Variants in KLF12 observed in about 807,000 individuals in gnomAD.
KLF12 encodes the protein KLF transcription factor 12.
In KLF12, 9 loss-of-function variants were observed where a neutral mutation model predicts 37.8. The observed-to-expected ratio is 0.24, with a 90% confidence interval of 0.14 to 0.42. KLF12 has a LOEUF of 0.42. Among genes scored for constraint, KLF12 ranks in the 10% least tolerant of loss-of-function variants. KLF12 has a pLI of 1.00. For missense variants in KLF12, 411 were observed against 516.0 expected (o/e 0.80, Z 1.97); for synonymous variants, 208 against 202.1 (o/e 1.03, Z -0.25).
chr13:74,234,233 A>G, the KLF12 span, among the ~76,000 whole-genome samples: 6 of 152,158 alleles, frequency 3.9e-5, no homozygotes, highest in African/African-American at 1.2e-4. Context: ...AATATTACCT[A>G]TAGATAAAAA....
chr13:73,888,373 T>C (rs2139002876), intron 3 of KLF12, among the ~76,000 whole-genome samples: 1 of 152,208 alleles, frequency 6.6e-6, no homozygotes, highest in East Asian at 1.9e-4. Flanking sequence ...TCTAATATTT[T>C]TATTACAATA....
chr13:74,261,824 G>A, the KLF12 span, among the ~76,000 whole-genome samples: 2 of 152,130 alleles, frequency 1.3e-5, no homozygotes, highest in Admixed American at 6.5e-5. Context: ...AGACACAAAC[G>A]TGTGTGTGGT....
At chr13:74,222,879 A>T in the KLF12 span, among the ~76,000 whole-genome samples, 2 of 152,244 alleles carry the variant, frequency 1.3e-5, no homozygotes, top group Non-Finnish European at 2.9e-5. Flanking sequence ...AGTGCCTGGC[A>T]CCAAATACAA....
chr13:74,255,634 T>C, the KLF12 span, among the ~76,000 whole-genome samples: 1 of 152,200 alleles, frequency 6.6e-6, no homozygotes, highest in Non-Finnish European at 1.5e-5. Flanking sequence ...TATTGAGTGG[T>C]TTCTACTTAA....
intron 3 of KLF12, among the ~76,000 whole-genome samples, chr13:73,872,028 A>G (rs937035487): frequency 1.3e-5 from 2 of 152,198 alleles, no homozygotes; most frequent in Non-Finnish European, 2.9e-5. Context: ...CTTGAATCAA[A>G]GCGGGATTTC....
At chr13:73,702,027 C>A (rs867341189) in intron 7 of KLF12, among the ~76,000 whole-genome samples, 13 of 151,526 alleles carry the variant, frequency 8.6e-5, no homozygotes, top group Admixed American at 1.3e-4. Context: ...CACACACACA[C>A]AAAAAAAGGG....
the KLF12 span, chr13:74,259,521 A>T: frequency 1.3e-5 from 2 of 152,108 alleles, no homozygotes; most frequent in Non-Finnish European, 2.9e-5. Context: ...AGTACACAGA[A>T]TTTTTCACAG....
intron 5 of KLF12, among the ~76,000 whole-genome samples, chr13:73,789,386 T>G (rs2138254269): frequency 6.6e-6 from 1 of 152,304 alleles, no homozygotes; most frequent in Middle Eastern, 3.4e-3. Flanking sequence ...GGTGTCACAG[T>G]AGCGCTAGTC....
chr13:74,024,773 A>G (rs1206164704), intron 1 of KLF12, among the ~76,000 whole-genome samples: 2 of 152,118 alleles, frequency 1.3e-5, no homozygotes, highest in Non-Finnish European at 2.9e-5. Flanking sequence ...CTTGAGGGGG[A>G]AAAAGTCTCT....
At chr13:73,732,652 G>C (rs1357660873) in intron 6 of KLF12, among the ~76,000 whole-genome samples, 1 of 152,072 alleles carries the variant, frequency 6.6e-6, no homozygotes, top group Non-Finnish European at 1.5e-5. Context: ...TCCTCCAGCC[G>C]TTTCTCCTTT....
intron 3 of KLF12, among the ~76,000 whole-genome samples, chr13:73,882,222 A>G (rs1887014977): frequency 6.6e-6 from 1 of 152,130 alleles, no homozygotes; most frequent in South Asian, 2.1e-4. Context: ...GCATACAAAC[A>G]AATCCTGAAG....
At chr13:73,996,947 T>C (rs891061144) in intron 1 of KLF12, among the ~76,000 whole-genome samples, 1 of 151,238 alleles carries the variant, frequency 6.6e-6, no homozygotes, top group African/African-American at 2.5e-5. Flanking sequence ...TCAGATAATG[T>C]CAAGGTTCTT....
the KLF12 span, among the ~76,000 whole-genome samples, chr13:74,177,608 A>T: frequency 3.3e-5 from 5 of 152,232 alleles, no homozygotes; most frequent in African/African-American, 1.2e-4. Flanking sequence ...AAGAAATGAC[A>T]TGATCATATT....
the KLF12 span, among the ~76,000 whole-genome samples, chr13:74,165,139 A>G: frequency 6.6e-6 from 1 of 152,280 alleles, no homozygotes; most frequent in Non-Finnish European, 1.5e-5. Context: ...CATTGTATGC[A>G]TGTATCAAAA....
At chr13:73,856,415 G>A (rs759036210) in intron 3 of KLF12, among the ~76,000 whole-genome samples, 1 of 152,284 alleles carries the variant, frequency 6.6e-6, no homozygotes, top group Admixed American at 6.5e-5. Flanking sequence ...AGGAAGGTAC[G>A]CGTTTTAAGG....
chr13:73,945,708 T>A (rs1048839823), intron 2 of KLF12, among the ~76,000 whole-genome samples: 2 of 152,082 alleles, frequency 1.3e-5, no homozygotes, highest in African/African-American at 4.8e-5. Context: ...CACCACCTAG[T>A]CTATAAGGTG....
the KLF12 span, among the ~76,000 whole-genome samples, chr13:74,275,863 TTTC>T: frequency 1.7e-5 from 2 of 114,738 alleles, no homozygotes; most frequent in Non-Finnish European, 3.6e-5. Context: ...TCTTTCTTTC[TTTC>T]TATCTTTCTT....
At chr13:74,087,488 T>A (rs1258857944) in intron 1 of KLF12, among the ~76,000 whole-genome samples, 1 of 152,074 alleles carries the variant, frequency 6.6e-6, no homozygotes, top group Non-Finnish European at 1.5e-5. Context: ...AGCTGCACGA[T>A]ATGGAGGAGG....
chr13:74,131,639 C>T (rs1385767863), intron 1 of KLF12, among the ~76,000 whole-genome samples: 1 of 152,140 alleles, frequency 6.6e-6, no homozygotes, highest in Non-Finnish European at 1.5e-5. Flanking sequence ...TAAAGTTCAG[C>T]TGACTGCATT....
Sources: gnomAD v4.1 joint callset for allele counts (sites outside exome capture counted in the v4.1 genomes callset) on GRCh38, gnomAD v4.1.1 for gene constraint, MANE v1.5 for transcripts, NCBI Gene and HGNC (gene_info 2026-07-23, HGNC 2026-07-21) for gene names.